The following MYO1E variants were observed in gnomAD, a reference collection of about 807,000 sequenced individuals.
The protein encoded by MYO1E is myosin IE, also known as unconventional myosin-Ie.
In MYO1E, 68 loss-of-function variants were observed where a neutral mutation model predicts 151.1. The observed-to-expected ratio is 0.45, with a 90% CI of 0.37 to 0.55. MYO1E has a LOEUF of 0.55. MYO1E is among the 20% of genes least tolerant of loss of function. The pLI, the probability that MYO1E is intolerant of heterozygous loss-of-function variation, is 0.00. For synonymous variants in MYO1E, 601 were observed against 501.7 expected (o/e 1.20, Z -2.64); for missense variants, 1,363 against 1,389.3 (o/e 0.98, Z 0.30).
intron 4 of MYO1E, among the ~76,000 whole-genome samples, chr15:59,249,247 C>A (rs1402991469): frequency 6.6e-6 from 1 of 152,012 alleles, no homozygotes; most frequent in Non-Finnish European, 1.5e-5. Flanking sequence ...CATGGTGAAA[C>A]CCAGTCTCTA....
chr15:59,203,350 C>A (rs141943643), intron 15 of MYO1E, among the ~76,000 whole-genome samples: 1 of 151,034 alleles, frequency 6.6e-6, no homozygotes, highest in Non-Finnish European at 1.5e-5. Flanking sequence ...GGAGCAGTAA[C>A]AAATCACCAG....
At position 59,135,321 on chromosome 15, in the gene MYO1E, CA is replaced by C. The variant is rs1471489350; in HGVS notation, c.*2058del. 6.6e-6 allele frequency: 1 copy of C among 152,232 alleles called. No individual in the cohort carries two copies. Among genetic ancestry groups the C allele is most frequent in the Non-Finnish European group, 1.5e-5 (1 of 68,050 alleles). 9.4% of individuals were successfully genotyped at this position (152,232 alleles called of 1,614,324 possible). ...CCAATCAATCAATCAGGAGGAAAAA[CA>C]AAGGCTTGTCCCAGCCAGCCAGGGG... On this transcript the variant is annotated 3_prime_UTR_variant, in exon 28 of 28. Coordinates refer to ENST00000288235, the MANE Select transcript of MYO1E (RefSeq NM_004998.4).
chr15:59,323,168 C>CAAA (rs10569332), intron 1 of MYO1E, among the ~76,000 whole-genome samples: 361 of 63,246 alleles, frequency 5.7e-3, no homozygotes, highest in African/African-American at 8.6e-3. Context: ...GACCCCATCA[C>CAAA]AAAAAAAAAA....
At chr15:59,264,842 G>T (rs561648495) in intron 2 of MYO1E, 4 of 152,202 alleles carry the variant, frequency 2.6e-5, no homozygotes, top group African/African-American at 4.8e-5. Context: ...GCAATCTAGT[G>T]AGACCTCATC....
In MYO1E at chr15:59,202,348, G is replaced by A. The variant is rs2079807357; in HGVS notation, c.1676C>T (p.Thr559Ile). ...NLQADKKGRPTTAGSKIKKQA... is the reference protein window; with the variant it reads ...NLQADKKGRPITAGSKIKKQA... ...AACCTTTATTTTGCTTCCGGCAGTA[G>A]TTGGGCGCCCTTTCTTGTCAGCCTG... Residue 559 changes from threonine to isoleucine, a missense_variant, in exon 16 of 28, where the codon ACT becomes ATT. Coordinates refer to ENST00000288235, the MANE Select transcript of MYO1E (RefSeq NM_004998.4). 6.2e-7 allele frequency: 1 copy of A among 1,614,132 alleles called. No individual in the cohort carries two copies.
chr15:59,337,326 C>A (rs1596426841), intron 1 of MYO1E, among the ~76,000 whole-genome samples: 1 of 152,166 alleles, frequency 6.6e-6, no homozygotes, highest in South Asian at 2.1e-4. Context: ...TATGATGAAA[C>A]CTGCTCTGCT....
intron 4 of MYO1E, among the ~76,000 whole-genome samples, chr15:59,242,832 T>A (rs1372071053): frequency 6.6e-6 from 1 of 152,234 alleles, no homozygotes; most frequent in African/African-American, 2.4e-5. Context: ...CTAGAATGCA[T>A]GACCTGAGCC....
rs772408664 is a variant in MYO1E, at chr15:59,210,499, T to A, written c.1362+15A>T. On this transcript the variant is annotated intron_variant, in intron 13 of 27. Transcript: ENST00000288235. ...ACCTGTGAGCAGTGAAAAGACATACTAAATGAACACTTACCACTTTGTTCT... is the reference window on the plus strand; with the variant it reads ...ACCTGTGAGCAGTGAAAAGACATACAAAATGAACACTTACCACTTTGTTCT... The A allele has an allele frequency of 1.2e-5, 19 of 1,521,040 alleles. No homozygotes were observed. The highest frequency in any genetic ancestry group is 1.7e-5 in the Non-Finnish European group (19 of 1,095,484). The allele number at this position is 1,521,040 out of a possible 1,614,324, so 94.2% of individuals were successfully genotyped here.
At chr15:59,311,107 G>A (rs1198805706) in intron 1 of MYO1E, among the ~76,000 whole-genome samples, 1 of 152,036 alleles carries the variant, frequency 6.6e-6, no homozygotes, top group Non-Finnish European at 1.5e-5. Context: ...CATGGTCAAG[G>A]CAACCATCCA....
At chr15:59,259,866 C>A (rs2080215253) in intron 3 of MYO1E, among the ~76,000 whole-genome samples, 1 of 152,170 alleles carries the variant, frequency 6.6e-6, no homozygotes, top group East Asian at 1.9e-4. Context: ...TAGGACCTGA[C>A]TTCAACTCCT....
intron 16 of MYO1E, among the ~76,000 whole-genome samples, chr15:59,197,019 G>C (rs1403348119): frequency 1.4e-5 from 1 of 69,126 alleles, no homozygotes; most frequent in African/African-American, 4.6e-5. Flanking sequence ...TTGAGATGGA[G>C]TCTCACTCTG....
At chr15:59,323,887 C>T (rs771123327) in intron 1 of MYO1E, among the ~76,000 whole-genome samples, 11 of 151,630 alleles carry the variant, frequency 7.3e-5, no homozygotes, top group African/African-American at 1.7e-4. Flanking sequence ...CTAGAGCTTG[C>T]GGGATGTGTG....
At chr15:59,190,386 C>G (rs1008233590) in intron 17 of MYO1E, among the ~76,000 whole-genome samples, 3 of 152,186 alleles carry the variant, frequency 2.0e-5, no homozygotes, top group African/African-American at 7.2e-5. Flanking sequence ...AAAAGACAAT[C>G]AGAAGCATCC....
intron 1 of MYO1E, among the ~76,000 whole-genome samples, chr15:59,362,158 C>T (rs1231087975): frequency 4.6e-5 from 7 of 152,236 alleles, no homozygotes; most frequent in African/African-American, 1.7e-4. Flanking sequence ...AAATAATATC[C>T]ACACAAATAC....
At chr15:59,185,790 A>G (rs2079692471) in intron 18 of MYO1E, among the ~76,000 whole-genome samples, 1 of 152,242 alleles carries the variant, frequency 6.6e-6, no homozygotes, top group African/African-American at 2.4e-5. Context: ...TAGGGGGAAC[A>G]TTAGTCAATG....
intron 4 of MYO1E, among the ~76,000 whole-genome samples, chr15:59,245,166 C>T (rs755036040): frequency 1.3e-5 from 2 of 152,126 alleles, no homozygotes; most frequent in East Asian, 1.9e-4. Flanking sequence ...CCCTGAAAAG[C>T]GTCCCCATGC....
rs756283365 is a variant in MYO1E at position 59,261,478 on chromosome 15, T to C, written c.179A>G (p.Asn60Ser). ...TYIGSVLISV[N>S]PFKQMPYFGE... ...AAAATATGGCATCTGCTTGAAAGGG[T>C]TGACTGAGATTAATACAGATCCTAT... The change falls in exon 3 of 28, where the codon AAC (asparagine) becomes AGC (serine). Residue 60 changes from asparagine to serine, a missense_variant. Physicochemically the swap from Asn to Ser is conservative, Grantham distance 46. Coordinates refer to ENST00000288235, the MANE Select transcript of MYO1E (RefSeq NM_004998.4). 1 of 1,609,036 alleles carries C rather than the reference T, an allele frequency of 6.2e-7. No homozygotes were observed. Among genetic ancestry groups the C allele is most frequent in the Non-Finnish European group, 8.5e-7 (1 of 1,175,550 alleles).
At chr15:59,208,361 T>G in intron 14 of MYO1E, 1 of 555,642 alleles carries the variant, frequency 1.8e-6, no homozygotes, top group Admixed American at 3.4e-5. Context: ...AAAAGTAGGA[T>G]GTAGGTATTT....
chr15:59,260,661 C>G (rs574454603), intron 3 of MYO1E, among the ~76,000 whole-genome samples: 2 of 152,090 alleles, frequency 1.3e-5, no homozygotes, highest in Non-Finnish European at 2.9e-5. Context: ...GAATAGGAAC[C>G]AGGGTCAAAT....
Sources: gnomAD v4.1 joint callset for allele counts (sites outside exome capture counted in the v4.1 genomes callset) on GRCh38, gnomAD v4.1.1 for gene constraint, MANE v1.5 for transcripts, NCBI Gene and HGNC (gene_info 2026-07-23, HGNC 2026-07-21) for gene names.